Variants in SEL1L observed in about 807,000 individuals in gnomAD.
SEL1L encodes the protein SEL1L adaptor subunit of SYVN1 ubiquitin ligase.
A neutral mutation model predicts 109.8 loss-of-function variants in SEL1L; 52 were observed. The observed-to-expected ratio is 0.47, with a 90% CI of 0.38 to 0.60. The LOEUF is 0.60. SEL1L is among the 20% of genes least tolerant of loss of function. The pLI is 0.00. For missense variants in SEL1L, 749 were observed against 962.2 expected (o/e 0.78, Z 2.93); for synonymous variants, 373 against 339.6 (o/e 1.10, Z -1.08).
chr14:81,530,813 A>G (rs1251644986), intron 1 of SEL1L, among the ~76,000 whole-genome samples: 2 of 152,222 alleles, frequency 1.3e-5, no homozygotes, highest in East Asian at 1.9e-4. Flanking sequence ...TAAATGGGAT[A>G]GCCTTCTACA....
intron 20 of SEL1L, among the ~76,000 whole-genome samples, chr14:81,478,666 A>G (rs1015344382): frequency 6.6e-6 from 1 of 152,182 alleles, no homozygotes; most frequent in Non-Finnish European, 1.5e-5. Flanking sequence ...GACATTACAC[A>G]TGTGGAAGCG....
intron 3 of SEL1L, among the ~76,000 whole-genome samples, chr14:81,511,171 G>A (rs893912392): frequency 1.3e-5 from 2 of 152,188 alleles, no homozygotes; most frequent in African/African-American, 2.4e-5. Flanking sequence ...CACGCTATAC[G>A]AAGAAAGCCA....
At chr14:81,520,028 G>C (rs1343251963) in intron 3 of SEL1L, among the ~76,000 whole-genome samples, 2 of 152,102 alleles carry the variant, frequency 1.3e-5, no homozygotes, top group African/African-American at 4.8e-5. Flanking sequence ...GGAGTTATGG[G>C]GTCAAATTTG....
intron 17 of SEL1L, among the ~76,000 whole-genome samples, 200 bp from the exon 18 acceptor site, chr14:81,485,946 T>C (rs1465182475): frequency 3.3e-5 from 5 of 152,204 alleles, no homozygotes; most frequent in African/African-American, 1.2e-4. Flanking sequence ...GGGCACTACT[T>C]TGTGAAACAT....
Position 81,489,273 on chromosome 14 carries a change from G to A in SEL1L, c.1374C>T (p.Leu458=). ...VGQSGLGMAY[L]YGRGVQVNYD... ...TTACAACTTGAACTCCTCTCCCATA[G>A]AGGTAGGCCATTCCAAGCCCACTCT... The change falls in exon 14 of 21, where the codon CTC becomes CTT. Residue 458 remains leucine, a synonymous_variant. Transcript: ENST00000336735. 5.6e-6 allele frequency: 9 copies of A among 1,614,142 alleles called. No individual in the cohort carries two copies. Among genetic ancestry groups the A allele is most frequent in the Non-Finnish European group, 6.8e-6 (8 of 1,179,984 alleles).
Position 81,499,616 on chromosome 14 carries a change from T to G in SEL1L, c.824A>C (p.Gln275Pro). The G allele has an allele frequency of 6.2e-7, 1 of 1,610,848 alleles. No individual in the cohort carries two copies. Among genetic ancestry groups the G allele is most frequent in the Non-Finnish European group, 8.5e-7 (1 of 1,179,384 alleles). Residue 275 changes from glutamine to proline, a missense_variant, in exon 7 of 21, where the codon CAG (glutamine) becomes CCG (proline). Gln to Pro is a moderately conservative substitution (Grantham distance 76, BLOSUM62 -1). Transcript: ENST00000336735. Reference protein sequence around the residue: ...YASGLGVNSSQAKALVYYTFG... With the variant: ...YASGLGVNSSPAKALVYYTFG... ...AAGTTTTAATAGTATTACCTTTGCC[T>G]GACTTGAATTAACACCAAGTCCAGA...
chr14:81,482,898 C>T (rs895254668), intron 19 of SEL1L, among the ~76,000 whole-genome samples: 1 of 152,122 alleles, frequency 6.6e-6, no homozygotes, highest in African/African-American at 2.4e-5. Flanking sequence ...AATTAACAGC[C>T]TATTTCATAA....
chr14:81,529,573 G>C (rs1235806836), intron 1 of SEL1L, among the ~76,000 whole-genome samples: 1 of 152,166 alleles, frequency 6.6e-6, no homozygotes, highest in East Asian at 1.9e-4. Flanking sequence ...TTAGGCATTA[G>C]AGTAGCAAAA....
chr14:81,512,262 A>C (rs1022357740), intron 3 of SEL1L, among the ~76,000 whole-genome samples: 18 of 152,242 alleles, frequency 1.2e-4, no homozygotes, highest in African/African-American at 4.3e-4. Context: ...CCTATGAGGA[A>C]GAAATTCTCC....
chr14:81,508,335 T>C (rs1884324690), intron 3 of SEL1L, among the ~76,000 whole-genome samples: 1 of 152,156 alleles, frequency 6.6e-6, no homozygotes, highest in African/African-American at 2.4e-5. Context: ...TCTAATGCAA[T>C]GTATAGGCAA....
chr14:81,493,717 C>T (rs1156502348), intron 11 of SEL1L, among the ~76,000 whole-genome samples: 2 of 152,132 alleles, frequency 1.3e-5, no homozygotes, highest in African/African-American at 4.8e-5. Context: ...CCATACACTA[C>T]ATCAAAAAGA....
intron 3 of SEL1L, among the ~76,000 whole-genome samples, chr14:81,509,326 C>T (rs1187548347): frequency 6.6e-6 from 1 of 152,092 alleles, no homozygotes. Flanking sequence ...ACAAGGTAAT[C>T]ACTGCTCTGG....
chr14:81,512,299 T>C (rs1884514259), intron 3 of SEL1L, among the ~76,000 whole-genome samples: 1 of 152,228 alleles, frequency 6.6e-6, no homozygotes. Flanking sequence ...GTTCTGTTTC[T>C]CTGGAGAACT....
intron 3 of SEL1L, among the ~76,000 whole-genome samples, chr14:81,510,298 T>C (rs977218738): frequency 4.6e-5 from 7 of 152,150 alleles, no homozygotes; most frequent in Non-Finnish European, 8.8e-5. Context: ...TCAGTGATTA[T>C]AGAGAACGAT....
At chr14:81,503,551 T>G (rs1002314461) in intron 5 of SEL1L, among the ~76,000 whole-genome samples, 4 of 152,116 alleles carry the variant, frequency 2.6e-5, no homozygotes, top group African/African-American at 9.7e-5. Flanking sequence ...GCTGCCCAGA[T>G]TGGCTAGCTA....
chr14:81,478,312 C>T (rs1293963011), intron 20 of SEL1L, among the ~76,000 whole-genome samples: 1 of 152,098 alleles, frequency 6.6e-6, no homozygotes, highest in East Asian at 1.9e-4. Flanking sequence ...TACTGTTTGA[C>T]TTTCTTATGA....
intron 18 of SEL1L, among the ~76,000 whole-genome samples, chr14:81,484,967 C>A (rs1175311905): frequency 6.6e-6 from 1 of 152,072 alleles, no homozygotes; most frequent in Non-Finnish European, 1.5e-5. Flanking sequence ...TCCAGCTTGA[C>A]CATTTAGGTT....
rs751669409 is a variant in SEL1L, at chr14:81,506,233, C to T, written c.349G>A (p.Ala117Thr). 3.5e-5 allele frequency: 55 copies of T among 1,593,840 alleles called. No homozygotes were observed. The highest frequency in any genetic ancestry group is 2.4e-4 in the South Asian group (21 of 87,364). ...PKKVRKPALT[A>T]IEGTAHGEPC... ...TCCCCATGTGCTGTGCCTTCAATGGCGGTCAAAGCTGGAATGACAAGAAAT... is the reference window on the plus strand; with the variant it reads ...TCCCCATGTGCTGTGCCTTCAATGGTGGTCAAAGCTGGAATGACAAGAAAT... The change falls in exon 4 of 21, where the codon GCC becomes ACC. Residue 117 changes from alanine (A) to threonine (T), a missense_variant. By Grantham distance (58) the Ala-to-Thr change is moderately conservative. This residue lies in a region of SEL1L where 366 missense variants were observed against 399.8 expected (regional missense o/e 0.92). Transcript: ENST00000336735.
intron 3 of SEL1L, among the ~76,000 whole-genome samples, chr14:81,512,959 A>C (rs575690052): frequency 3.5e-4 from 53 of 152,334 alleles, no homozygotes; most frequent in African/African-American, 1.2e-3. Flanking sequence ...AGATTTTGGA[A>C]GGGTTCCCAC....
Sources: allele counts gnomAD v4.1 joint callset (sites outside exome capture counted in the v4.1 genomes callset), GRCh38; gene constraint gnomAD v4.1.1; regional missense constraint gnomAD v4.1.1; transcripts MANE v1.5; gene names NCBI Gene and HGNC (gene_info 2026-07-23, HGNC 2026-07-21).